Variants in C1QTNF3 observed in about 807,000 individuals in gnomAD.
C1QTNF3 encodes the protein complement C1q tumor necrosis factor-related protein 3.
C1QTNF3 carries 26 observed loss-of-function variants against 32.6 expected under a neutral mutation model. The ratio of observed to expected loss-of-function variants is 0.80; its 90% confidence interval spans 0.58 to 1.11. The LOEUF (loss-of-function observed/expected upper bound fraction) is 1.11, where lower values mean the gene tolerates loss of function less well. Among genes scored for constraint, C1QTNF3 ranks in the 50% least tolerant of loss-of-function variants. The pLI, the probability that C1QTNF3 is intolerant of heterozygous loss-of-function variation, is 0.00. For missense variants in C1QTNF3, 362 were observed against 398.2 expected, an observed-to-expected ratio of 0.91 and a Z score of 0.77; for synonymous variants, 155 against 146.0, an observed-to-expected ratio of 1.06 and a Z score of -0.44.
chr5:34,076,908 G>C, the C1QTNF3 span, among the ~76,000 whole-genome samples: 1 of 151,508 alleles, frequency 6.6e-6, no homozygotes, highest in Non-Finnish European at 1.5e-5. Context: ...GGTTATGAGA[G>C]CCAAACATGA....
the C1QTNF3 span, among the ~76,000 whole-genome samples, chr5:34,049,755 G>C: frequency 6.6e-6 from 1 of 152,208 alleles, no homozygotes; most frequent in Admixed American, 6.5e-5. Context: ...TCCAAGAGTC[G>C]ATATTGCAGT....
rs933041044 is a variant in C1QTNF3 at position 34,042,924 on chromosome 5, C to A, written c.202G>T (p.Val68Leu). ...RERSHPKTGT[V>L]DNNTSTDLKS... The stretch of plus-strand genomic sequence containing the variant: ...AGGTCTGTAGAAGTGTTATTATCCA[C>A]AGTCCCAGTTTTAGGATGGCTCCGC... Residue 68 changes from valine (V) to leucine (L), a missense_variant, in exon 1 of 6, where the codon GTG (valine) becomes TTG (leucine). Coordinates refer to ENST00000382065, the MANE Select transcript of C1QTNF3 (RefSeq NM_181435.6). 2.5e-6 allele frequency: 4 copies of A among 1,614,052 alleles called. No individual in the cohort carries two copies. The highest frequency in any genetic ancestry group is 3.4e-6 in the Non-Finnish European group (4 of 1,180,024).
At chr5:34,147,300 A>G in the C1QTNF3 span, among the ~76,000 whole-genome samples, 1 of 152,348 alleles carries the variant, frequency 6.6e-6, no homozygotes, top group Admixed American at 6.5e-5. Flanking sequence ...CAGCAATCCT[A>G]TCATTGCATA....
the C1QTNF3 span, among the ~76,000 whole-genome samples, chr5:34,088,708 C>T: frequency 6.6e-6 from 1 of 152,058 alleles, no homozygotes; most frequent in Non-Finnish European, 1.5e-5. Flanking sequence ...AACTGGGTCT[C>T]ACTGTGTTGC....
the C1QTNF3 span, among the ~76,000 whole-genome samples, chr5:34,210,470 A>G: frequency 1.3e-5 from 2 of 151,742 alleles, no homozygotes. Context: ...TAGGACATTG[A>G]CTAAAAATCG....
chr5:34,024,388 G>A (rs1754412494), intron 4 of C1QTNF3: 1 of 182,690 alleles, frequency 5.5e-6, no homozygotes, highest in Non-Finnish European at 1.2e-5. Flanking sequence ...GATGTTTGTG[G>A]TTGAACAACG....
the C1QTNF3 span, among the ~76,000 whole-genome samples, chr5:34,154,875 TAAC>T: frequency 1.6e-4 from 24 of 152,284 alleles, no homozygotes; most frequent in African/African-American, 5.5e-4. Context: ...TCTAAACTAT[TAAC>T]AATCTTGCCA....
the C1QTNF3 span, among the ~76,000 whole-genome samples, chr5:34,224,013 A>G: frequency 1.2e-3 from 185 of 152,258 alleles, 6 homozygotes; most frequent in East Asian, 0.031. Context: ...AATAACAGAC[A>G]ATCAGAGAGC....
chr5:34,235,889 A>G, the C1QTNF3 span, among the ~76,000 whole-genome samples: 24 of 152,208 alleles, frequency 1.6e-4, no homozygotes, highest in Admixed American at 1.6e-3. Flanking sequence ...AACATATAAT[A>G]TCTTAAACAG....
At chr5:34,215,826 TCTCA>T in the C1QTNF3 span, among the ~76,000 whole-genome samples, 13 of 152,274 alleles carry the variant, frequency 8.5e-5, no homozygotes, top group Admixed American at 5.9e-4. Context: ...TTAGATGGGA[TCTCA>T]CTATGTTGAC....
In C1QTNF3 at chr5:34,017,918, TAA is replaced by T. The variant is rs11343903; in HGVS notation, c.*2663_*2664del. 0.013 allele frequency among the ~76,000 whole-genome samples: 1,942 copies of T among 150,874 alleles called. 39 individuals carry two copies. Among genetic ancestry groups the T allele is most frequent in the African/African-American group, 0.044 (1,796 of 41,258 alleles). On this transcript the variant is annotated 3_prime_UTR_variant, in exon 6 of 6. Transcript: ENST00000382065. ...AATGCTCATGACATATTATTTGTAATAAAAAAAAAATAATATTTTCCAAAACA... is the reference window on the plus strand; with the variant it reads ...AATGCTCATGACATATTATTTGTAATAAAAAAAATAATATTTTCCAAAACA...
At chr5:34,166,569 C>G in the C1QTNF3 span, 1 of 152,098 alleles carries the variant, frequency 6.6e-6, no homozygotes, top group African/African-American at 2.4e-5. Flanking sequence ...TAAGGAAGGT[C>G]TTATAATAGC....
the C1QTNF3 span, chr5:34,124,241 G>A: frequency 4.1e-6 from 2 of 483,278 alleles, no homozygotes; most frequent in Non-Finnish European, 7.4e-6. Flanking sequence ...TAGATCCCTG[G>A]AAAGCTGGTA....
the C1QTNF3 span, among the ~76,000 whole-genome samples, chr5:34,084,699 A>G: frequency 6.7e-6 from 1 of 149,306 alleles, no homozygotes; most frequent in East Asian, 1.9e-4. Flanking sequence ...AAATTGCTTA[A>G]GTTCCTAGTA....
At position 34,028,759 on chromosome 5, in the gene C1QTNF3, A is replaced by T. The variant is rs1561056186; in HGVS notation, c.695T>A (p.Val232Glu). The T allele has an allele frequency of 6.2e-7, 1 of 1,605,592 alleles. No homozygotes were observed. The highest frequency in any genetic ancestry group is 1.7e-5 in the Admixed American group (1 of 59,044). Reference sequence around the variant, plus strand: ...ATCCTATGTTTCCATCTCACCTGATACTGGGGCCCCAAATCTACCAGTCAT... The same window carrying T: ...ATCCTATGTTTCCATCTCACCTGATTCTGGGGCCCCAAATCTACCAGTCAT... ...DVMTGRFGAP[V>E]SGVYFFTFSM... is the part of the protein sequence containing the mutation. Residue 232 changes from valine (V) to glutamate (E), a missense_variant, in exon 4 of 6, where the codon GTA (valine) becomes GAA (glutamate). By Grantham distance (121) the Val-to-Glu change is moderately radical. Coordinates refer to ENST00000382065, the MANE Select transcript of C1QTNF3 (RefSeq NM_181435.6).
chr5:34,156,830 A>G, the C1QTNF3 span, among the ~76,000 whole-genome samples: 8 of 152,198 alleles, frequency 5.3e-5, no homozygotes, highest in Non-Finnish European at 1.0e-4. Context: ...TTTTTATATC[A>G]CTTTTTTCTA....
the C1QTNF3 span, among the ~76,000 whole-genome samples, chr5:34,154,823 CAGAT>C: frequency 6.6e-6 from 1 of 152,232 alleles, no homozygotes; most frequent in South Asian, 2.1e-4. Flanking sequence ...GAGATAGAGA[CAGAT>C]AGAAAATGAG....
chr5:34,225,967 A>G, the C1QTNF3 span, among the ~76,000 whole-genome samples: 1 of 151,962 alleles, frequency 6.6e-6, no homozygotes, highest in East Asian at 1.9e-4. Context: ...AATAATTTTG[A>G]GAAAAACATT....
the C1QTNF3 span, among the ~76,000 whole-genome samples, chr5:34,113,386 A>G: frequency 6.6e-6 from 1 of 151,026 alleles, no homozygotes; most frequent in South Asian, 2.1e-4. Flanking sequence ...ATAAAGGGCT[A>G]GTAGAAGATT....
Sources: allele counts gnomAD v4.1 joint callset (sites outside exome capture counted in the v4.1 genomes callset), GRCh38; gene constraint gnomAD v4.1.1; transcripts MANE v1.5; gene names NCBI Gene and HGNC (gene_info 2026-07-23, HGNC 2026-07-21).